RBMS3: variants seen among roughly 807,000 people sequenced by gnomAD.
The protein encoded by RBMS3 is RNA binding motif single stranded interacting protein 3, also known as RNA-binding motif, single-stranded-interacting protein 3.
Under a neutral mutation model 66.8 loss-of-function variants are expected in RBMS3, and 27 were observed. The ratio of observed to expected loss-of-function variants is 0.40; its 90% CI spans 0.30 to 0.56. RBMS3 has a LOEUF of 0.56. RBMS3 is among the 20% of genes least tolerant of loss of function. The pLI is 0.40. For synonymous variants in RBMS3, 188 were observed against 183.0 expected (o/e 1.03, Z -0.22); for missense variants, 513 against 549.5 (o/e 0.93, Z 0.66).
intron 5 of RBMS3, among the ~76,000 whole-genome samples, chr3:29,760,315 T>A (rs1240141691): frequency 6.6e-6 from 1 of 151,540 alleles, no homozygotes; most frequent in African/African-American, 2.4e-5. Context: ...CTAGTATTAG[T>A]CTTCATTTAT....
chr3:29,485,803 T>C (rs960211739), intron 2 of RBMS3, among the ~76,000 whole-genome samples: 2 of 152,172 alleles, frequency 1.3e-5, no homozygotes, highest in Non-Finnish European at 2.9e-5. Flanking sequence ...CAGGCATTAT[T>C]CAGCAATTTG....
At chr3:29,633,932 A>C (rs543269618) in intron 4 of RBMS3, among the ~76,000 whole-genome samples, 156 of 152,066 alleles carry the variant, frequency 1.0e-3, no homozygotes, top group African/African-American at 3.7e-3. Flanking sequence ...TTTTTCTAAA[A>C]GAGCATTTAG....
At chr3:29,457,948 A>C (rs2042251107) in intron 2 of RBMS3, among the ~76,000 whole-genome samples, 1 of 145,936 alleles carries the variant, frequency 6.9e-6, no homozygotes, top group African/African-American at 2.5e-5. Flanking sequence ...TATCTTCCCC[A>C]CCACTCTCCT....
chr3:29,561,791 G>T (rs573348950), intron 3 of RBMS3, among the ~76,000 whole-genome samples: 21 of 152,122 alleles, frequency 1.4e-4, no homozygotes, highest in African/African-American at 4.8e-4. Context: ...GGTATTAGAT[G>T]GTGTGGTTTT....
chr3:29,462,331 A>C lies in RBMS3; in HGVS notation c.249-26110A>C, dbSNP rs550874967. Among the ~76,000 whole-genome samples the C allele has an allele frequency of 2.6e-5, 4 of 152,280 alleles. No homozygotes were observed. The East Asian group carries it at 7.7e-4, about 29-fold the overall frequency. ...TTCAGTCTGTGCTATGTATTGATTT[A>C]ATCTTGCTGTGAATTCCAAATATTT... On this transcript the variant is annotated intron_variant, in intron 2 of 14. Transcript: ENST00000383767.
intron 1 of RBMS3, among the ~76,000 whole-genome samples, chr3:29,423,426 G>C (rs1029060755): frequency 2.6e-5 from 4 of 152,196 alleles, no homozygotes; most frequent in Admixed American, 6.5e-5. Context: ...AGTTGAAAGA[G>C]AGGTTTTATA....
intron 5 of RBMS3, among the ~76,000 whole-genome samples, chr3:29,757,177 G>T (rs1024795774): frequency 6.6e-6 from 1 of 152,120 alleles, no homozygotes; most frequent in Non-Finnish European, 1.5e-5. Context: ...CTCAGATGTG[G>T]TTAAAAATAG....
intron 4 of RBMS3, among the ~76,000 whole-genome samples, chr3:29,728,114 C>A (rs1411685942): frequency 6.6e-6 from 1 of 151,902 alleles, no homozygotes; most frequent in Non-Finnish European, 1.5e-5. Flanking sequence ...GAACAGAAAA[C>A]CAAACACTGC....
intron 4 of RBMS3, among the ~76,000 whole-genome samples, chr3:29,683,637 T>A (rs549740291): frequency 1.3e-5 from 2 of 152,084 alleles, no homozygotes; most frequent in African/African-American, 4.8e-5. Context: ...GAAGAAACAT[T>A]TTATTTAATC....
At position 29,796,934 on chromosome 3, in the gene RBMS3, G is replaced by A. The variant is rs922201921; in HGVS notation, c.637+33945G>A. Among the ~76,000 whole-genome samples the A allele has an allele frequency of 5.3e-5, 8 of 151,900 alleles. No individual in the cohort carries two copies. The East Asian group carries it at 1.4e-3, about 26-fold the overall frequency. On this transcript the variant is annotated intron_variant, in intron 6 of 14. Transcript: ENST00000383767. ...TCACCATGTTGACCAGGATGGTCTC[G>A]ATCTCCTGACCTCATGATCTGCCCG... is the stretch of plus-strand genomic sequence containing the variant.
intron 6 of RBMS3, among the ~76,000 whole-genome samples, chr3:29,862,325 A>G (rs1392977356): frequency 6.6e-6 from 1 of 152,174 alleles, no homozygotes; most frequent in African/African-American, 2.4e-5. Context: ...ACTGTGAGTA[A>G]CATCACTTTC....
chr3:29,680,437 C>T (rs142619147), intron 4 of RBMS3, among the ~76,000 whole-genome samples: 9 of 152,274 alleles, frequency 5.9e-5, no homozygotes, highest in East Asian at 1.9e-4. Context: ...CATTTCCTAA[C>T]GCTTCTTTAT....
At chr3:29,343,116 A>G (rs1003134326) in intron 1 of RBMS3, among the ~76,000 whole-genome samples, 1 of 152,140 alleles carries the variant, frequency 6.6e-6, no homozygotes, top group Non-Finnish European at 1.5e-5. Flanking sequence ...GTTTGTATCC[A>G]TATTGTTGAT....
intron 2 of RBMS3, among the ~76,000 whole-genome samples, chr3:29,482,701 C>CTTTTTTTTTTTTTTTTTTT (rs755520785): frequency 1.7e-4 from 13 of 77,500 alleles, no homozygotes; most frequent in East Asian, 4.6e-4. Context: ...TTCTTTCTTT[C>CTTTTTTTTTTTTTTTTTTT]TTTTTTTTTT....
At chr3:29,323,108 C>T (rs1278388147) in intron 1 of RBMS3, among the ~76,000 whole-genome samples, 1 of 152,132 alleles carries the variant, frequency 6.6e-6, no homozygotes, top group Non-Finnish European at 1.5e-5. Flanking sequence ...TCAAGAAAGA[C>T]TGAAGCTCAG....
At chr3:29,623,562 C>T (rs1310888822) in intron 4 of RBMS3, among the ~76,000 whole-genome samples, 1 of 150,044 alleles carries the variant, frequency 6.7e-6, no homozygotes, top group East Asian at 2.0e-4. Context: ...CCACTGCACT[C>T]CAGCCTAGGC....
At chr3:29,586,210 C>CATTTATATT (rs1418732760) in intron 3 of RBMS3, among the ~76,000 whole-genome samples, 1 of 152,090 alleles carries the variant, frequency 6.6e-6, no homozygotes, top group Non-Finnish European at 1.5e-5. Context: ...CACTCTTGAG[C>CATTTATATT]ATTTATATTT....
At chr3:29,284,518 T>C (rs928527061) in intron 1 of RBMS3, among the ~76,000 whole-genome samples, 22 of 152,112 alleles carry the variant, frequency 1.4e-4, no homozygotes, top group African/African-American at 4.8e-4. Flanking sequence ...GAAAATGAGA[T>C]TTAAGAAATA....
At chr3:29,363,587 G>A (rs1456357850) in intron 1 of RBMS3, among the ~76,000 whole-genome samples, 2 of 152,144 alleles carry the variant, frequency 1.3e-5, no homozygotes, top group African/African-American at 2.4e-5. Context: ...TCAGGAGTTT[G>A]AGACCAGCCT....
Sources: allele counts gnomAD v4.1 joint callset (sites outside exome capture counted in the v4.1 genomes callset), GRCh38; gene constraint gnomAD v4.1.1; transcripts MANE v1.5; gene names NCBI Gene and HGNC (gene_info 2026-07-23, HGNC 2026-07-21).